Variants in BOC observed in about 807,000 individuals in gnomAD.
BOC encodes brother of CDO.
A neutral mutation model predicts 112.0 loss-of-function variants in BOC; 76 were observed. The observed-to-expected ratio is 0.68, with a 90% CI of 0.56 to 0.82. BOC has a LOEUF of 0.82. BOC is among the 40% of genes least tolerant of loss of function. BOC has a pLI of 0.00. For synonymous variants in BOC, 580 were observed against 599.8 expected, an observed-to-expected ratio of 0.97 and a Z score of 0.48; for missense variants, 1,309 against 1,511.7, an observed-to-expected ratio of 0.87 and a Z score of 2.22.
intron 15 of BOC, among the ~76,000 whole-genome samples, chr3:113,282,945 G>C (rs1010215721): frequency 1.5e-4 from 23 of 152,114 alleles, no homozygotes; most frequent in Non-Finnish European, 4.4e-5. Context: ...TCGTGAGTCC[G>C]GGAACACCTG....
intron 4 of BOC, 190 bp downstream of exon 4, chr3:113,251,023 A>C (rs1945567882): frequency 1.4e-6 from 1 of 696,690 alleles, no homozygotes; most frequent in Non-Finnish European, 2.4e-6. Flanking sequence ...CCCTTGGAAA[A>C]CCTCACTCCA....
In BOC at chr3:113,272,318, A is replaced by C; in HGVS notation, c.668-92A>C. ...AGACCCGGAATGGCTGTTTGATCCC[A>C]TCTCCATGCTCTCTGGGACTGCCTC... On this transcript the variant is annotated intron_variant, in intron 6 of 19. Transcript: ENST00000682979. 3 of 1,409,858 alleles carry C rather than the reference A, an allele frequency of 2.1e-6. No individual in the cohort carries two copies. In the South Asian group the frequency reaches 3.9e-5, roughly 18 times the overall value. 87.3% of individuals were successfully genotyped at this position (1,409,858 alleles called of 1,614,324 possible). A position where few individuals can be genotyped will look rare whatever the true frequency, so the allele number is the denominator to read the frequency against.
intron 2 of BOC, among the ~76,000 whole-genome samples, chr3:113,225,147 G>A (rs187911627): frequency 2.8e-3 from 428 of 151,928 alleles, no homozygotes; most frequent in Non-Finnish European, 4.9e-3. Flanking sequence ...GGTGGTGCAC[G>A]CCTGTAATCC....
chr3:113,272,122 C>T, intron 6 of BOC: 1 of 498,350 alleles, frequency 2.0e-6, no homozygotes, highest in East Asian at 3.3e-5. Flanking sequence ...TCACCTTTCT[C>T]TCTTTGCCAG....
intron 13 of BOC, 52 bp downstream of exon 13, chr3:113,280,057 C>A: frequency 6.6e-7 from 1 of 1,526,012 alleles, no homozygotes; most frequent in Non-Finnish European, 8.9e-7. Context: ...CCCTAAATGC[C>A]CTTCCCTGTG....
At chr3:113,234,324 C>T (rs533292669) in intron 2 of BOC, among the ~76,000 whole-genome samples, 7 of 152,094 alleles carry the variant, frequency 4.6e-5, no homozygotes, top group Non-Finnish European at 8.8e-5. Flanking sequence ...GGAGAACTGA[C>T]CTTCCCATGT....
intron 2 of BOC, among the ~76,000 whole-genome samples, chr3:113,236,123 A>G (rs560770971): frequency 6.6e-6 from 1 of 151,264 alleles, no homozygotes; most frequent in South Asian, 2.1e-4. Context: ...CTGTGTTTAT[A>G]GCAGCACTAT....
intron 2 of BOC, among the ~76,000 whole-genome samples, chr3:113,226,408 C>CA (rs1941668714): frequency 6.6e-6 from 1 of 152,180 alleles, no homozygotes; most frequent in South Asian, 2.1e-4. Context: ...AACCTGTAGA[C>CA]ATGAGGGTGG....
At chr3:113,242,529 G>T (rs1291924080) in intron 2 of BOC, among the ~76,000 whole-genome samples, 1 of 152,018 alleles carries the variant, frequency 6.6e-6, no homozygotes, top group African/African-American at 2.4e-5. Flanking sequence ...CCTCGGAGAG[G>T]TTCCTCCCCG....
chr3:113,270,122 G>A (rs1947948860), intron 5 of BOC: 1 of 152,296 alleles, frequency 6.6e-6, no homozygotes, highest in Admixed American at 6.5e-5. Flanking sequence ...TCATGGGGAG[G>A]ACAGTGGTTG....
At chr3:113,227,749 T>TA (rs371765946) in intron 2 of BOC, among the ~76,000 whole-genome samples, 33 of 148,448 alleles carry the variant, frequency 2.2e-4, no homozygotes, top group South Asian at 4.3e-4. Flanking sequence ...ATTTTGTAAT[T>TA]AAAAAAAAAA....
chr3:113,273,074 C>T lies in BOC; in HGVS notation c.967C>T (p.Pro323Ser), dbSNP rs764817146. The change falls in exon 8 of 20, where the codon CCT (proline) becomes TCT (serine). Residue 323 changes from proline to serine, a missense_variant. Coordinates refer to ENST00000682979, the MANE Select transcript of BOC (RefSeq NM_001378074.1). ...ILYNVQVFEP[P>S]EVTMELSQLV... ...CTGCTCTGGTTTCCTGGCAGAACCC[C>T]CTGAGGTCACCATGGAGCTATCCCA... 2 of 1,599,048 alleles carry T rather than the reference C, an allele frequency of 1.3e-6. No homozygotes were observed. The highest frequency in any genetic ancestry group is 1.1e-5 in the South Asian group (1 of 90,612).
intron 2 of BOC, among the ~76,000 whole-genome samples, chr3:113,228,505 TC>T (rs1243090869): frequency 2.6e-5 from 4 of 152,054 alleles, no homozygotes; most frequent in African/African-American, 9.7e-5. Flanking sequence ...GAATGAAGAC[TC>T]CATCTCCAGA....
intron 17 of BOC, 26 bp from the exon 18 acceptor site, chr3:113,284,756 G>T (rs370578613): frequency 9.3e-6 from 15 of 1,610,332 alleles, no homozygotes; most frequent in Admixed American, 1.7e-5. Context: ...CGGCGTGGCC[G>T]TCTCATTACT....
chr3:113,249,729 C>A lies in BOC; in HGVS notation c.-74C>A. The stretch of plus-strand genomic sequence containing the variant: ...CTTTCTCTCTTACAACAGAGTGTTG[C>A]CAGGGACGGCAGTATCTCTTTGTGT... On this transcript the variant is annotated 5_prime_UTR_variant, in exon 3 of 20. Coordinates refer to ENST00000682979, the MANE Select transcript of BOC (RefSeq NM_001378074.1). 7.9e-7 allele frequency: 1 copy of A among 1,261,268 alleles called. No individual in the cohort carries two copies. The highest frequency in any genetic ancestry group is 1.1e-6 in the Non-Finnish European group (1 of 892,450). The allele number at this position is 1,261,268 out of a possible 1,614,324, so 78.1% of individuals were successfully genotyped here. A position where few individuals can be genotyped will look rare whatever the true frequency, so the allele number is the denominator to read the frequency against.
chr3:113,216,902 A>AG (rs1170929291), intron 2 of BOC, among the ~76,000 whole-genome samples: 5 of 151,990 alleles, frequency 3.3e-5, no homozygotes, highest in African/African-American at 1.2e-4. Flanking sequence ...GCAAAAGGAA[A>AG]GTGCATAATA....
Position 113,279,238 on chromosome 3 carries a change from G to A in BOC, c.1817-11G>A. The A allele has an allele frequency of 6.2e-7, 1 of 1,611,860 alleles. No individual in the cohort carries two copies. ...CCTGCTTCCTTCCTCACTGGATACG[G>A]TCTTTCCCAGCCCCAGAAGCTCCCG... On this transcript the variant is annotated splice_polypyrimidine_tract_variant and intron_variant, in intron 11 of 19. Coordinates refer to ENST00000682979, the MANE Select transcript of BOC (RefSeq NM_001378074.1).
intron 4 of BOC, among the ~76,000 whole-genome samples, chr3:113,266,648 T>C (rs773088377): frequency 3.9e-5 from 6 of 152,236 alleles, no homozygotes; most frequent in Non-Finnish European, 8.8e-5. Flanking sequence ...CGTTCATTCA[T>C]TAACATTCAT....
intron 6 of BOC, chr3:113,271,170 T>C: frequency 1.4e-6 from 1 of 694,014 alleles, no homozygotes; most frequent in Non-Finnish European, 2.6e-6. Context: ...GACTGCCTGC[T>C]GCCACACCTG....
Sources: allele counts gnomAD v4.1 joint callset (sites outside exome capture counted in the v4.1 genomes callset), GRCh38; gene constraint gnomAD v4.1.1; transcripts MANE v1.5; gene names NCBI Gene and HGNC (gene_info 2026-07-23, HGNC 2026-07-21).